KCNMA1: variants seen among roughly 807,000 people sequenced by gnomAD.
KCNMA1 encodes the protein Calcium-activated potassium channel subunit alpha-1.
Under a neutral mutation model 140.0 loss-of-function variants are expected in KCNMA1, and 29 were observed. The observed-to-expected ratio is 0.21, with a 90% confidence interval of 0.15 to 0.28. The LOEUF (loss-of-function observed/expected upper bound fraction) is 0.28. KCNMA1 is among the 10% of genes least tolerant of loss of function. The pLI is 1.00. For missense variants in KCNMA1, 880 were observed against 1,602.2 expected (o/e 0.55, Z 7.70); for synonymous variants, 612 against 611.9 (o/e 1.00, Z 0.00).
intron 3 of KCNMA1, among the ~76,000 whole-genome samples, chr10:77,220,547 A>G (rs1275359093): frequency 6.6e-6 from 1 of 152,218 alleles, no homozygotes; most frequent in African/African-American, 2.4e-5. Context: ...CAGATAAGTG[A>G]TAAGAAGAAA....
chr10:77,462,740 T>C (rs1007787035), intron 1 of KCNMA1, among the ~76,000 whole-genome samples: 1 of 152,192 alleles, frequency 6.6e-6, no homozygotes, highest in Admixed American at 6.5e-5. Context: ...ACACAACTAG[T>C]GCTCACGTTT....
At chr10:77,099,949 A>C (rs1564532118) in intron 9 of KCNMA1, among the ~76,000 whole-genome samples, 1 of 152,210 alleles carries the variant, frequency 6.6e-6, no homozygotes, top group Non-Finnish European at 1.5e-5. Context: ...GGTATGTTCA[A>C]CAACGTGAAT....
intron 1 of KCNMA1, among the ~76,000 whole-genome samples, chr10:77,567,628 A>G (rs1302044651): frequency 6.6e-6 from 1 of 152,184 alleles, no homozygotes; most frequent in East Asian, 1.9e-4. Context: ...ATCTAATTGA[A>G]CCTTGGGAGC....
intron 2 of KCNMA1, among the ~76,000 whole-genome samples, chr10:77,336,589 G>T (rs982268117): frequency 6.6e-6 from 1 of 152,162 alleles, no homozygotes; most frequent in Non-Finnish European, 1.5e-5. Flanking sequence ...AAAAGTCGAT[G>T]CACAAGATTA....
intron 7 of KCNMA1, 35 bp from the exon 8 acceptor site, chr10:77,110,378 A>C (rs201169834): frequency 1.8e-5 from 29 of 1,580,018 alleles, no homozygotes; most frequent in Non-Finnish European, 2.4e-5. Context: ...AAAAAGAAAA[A>C]CATGCTATTG....
intron 16 of KCNMA1, among the ~76,000 whole-genome samples, chr10:77,024,640 T>TCC (rs1362629087): frequency 2.0e-5 from 3 of 151,790 alleles, no homozygotes; most frequent in African/African-American, 7.3e-5. Context: ...CAGGGTGAAA[T>TCC]CACATGGTGA....
intron 2 of KCNMA1, among the ~76,000 whole-genome samples, chr10:77,273,095 C>A (rs986717772): frequency 2.6e-5 from 4 of 152,200 alleles, no homozygotes; most frequent in African/African-American, 9.6e-5. Flanking sequence ...AAACCTATAG[C>A]ACTTACTTTT....
Position 77,637,551 on chromosome 10 carries a change from G to C in KCNMA1, c.92C>G (p.Ala31Gly), listed in dbSNP as rs201551432. 7 of 1,543,346 alleles carry C rather than the reference G, an allele frequency of 4.5e-6. No individual in the cohort carries two copies. The highest frequency in any genetic ancestry group is 2.7e-5 in the African/African-American group (2 of 72,972). The change falls in exon 1 of 28, where the codon GCG becomes GGG. Residue 31 changes from alanine (A) to glycine (G), a missense_variant. By Grantham distance (60) the Ala-to-Gly change is moderately conservative. This residue lies in a region of KCNMA1 where 94 missense variants were observed against 92.4 expected (regional missense o/e 1.02). Transcript: ENST00000286628. Reference protein sequence around the residue: ...SSLRMSSNIHANHLSLDASSS... With the variant: ...SSLRMSSNIHGNHLSLDASSS... ...GGACGCGTCTAGGCTGAGATGGTTC[G>C]CGTGGATATTGCTACTCATTCTAAG... is the stretch of plus-strand genomic sequence containing the variant.
intron 15 of KCNMA1, among the ~76,000 whole-genome samples, chr10:77,033,592 A>T (rs985644619): frequency 2.6e-5 from 4 of 152,208 alleles, no homozygotes; most frequent in African/African-American, 9.6e-5. Flanking sequence ...CCTTGCTATT[A>T]TTATTAATGA....
chr10:77,602,905 T>C (rs922000915), intron 1 of KCNMA1, among the ~76,000 whole-genome samples: 2 of 152,192 alleles, frequency 1.3e-5, no homozygotes, highest in Non-Finnish European at 2.9e-5. Context: ...GAGTGCTTAT[T>C]TGACAAGCAC....
At chr10:77,224,903 A>T (rs2050821386) in intron 3 of KCNMA1, among the ~76,000 whole-genome samples, 1 of 152,136 alleles carries the variant, frequency 6.6e-6, no homozygotes, top group South Asian at 2.1e-4. Context: ...AGCACTCAAC[A>T]TACTTCCCAT....
intron 20 of KCNMA1, among the ~76,000 whole-genome samples, chr10:76,967,565 C>T (rs1340218985): frequency 1.3e-5 from 2 of 152,294 alleles, no homozygotes; most frequent in African/African-American, 2.4e-5. Flanking sequence ...AGGAGGGGTC[C>T]ATCTTTGCTC....
intron 2 of KCNMA1, among the ~76,000 whole-genome samples, chr10:77,299,207 TTAC>T (rs2075982385): frequency 6.6e-6 from 1 of 152,204 alleles, no homozygotes; most frequent in South Asian, 2.1e-4. Context: ...CCTCCCTGAC[TTAC>T]TACTACCACC....
intron 2 of KCNMA1, among the ~76,000 whole-genome samples, chr10:77,319,214 C>T (rs2081663270): frequency 6.6e-6 from 1 of 152,122 alleles, no homozygotes; most frequent in Non-Finnish European, 1.5e-5. Context: ...TAACTTTCAT[C>T]CTGAAGGTTA....
At chr10:77,472,227 T>TAC (rs2098177580) in intron 1 of KCNMA1, among the ~76,000 whole-genome samples, 1 of 150,840 alleles carries the variant, frequency 6.6e-6, no homozygotes, top group Admixed American at 6.6e-5. Flanking sequence ...ACACACACTA[T>TAC]ACATACATCA....
At chr10:77,350,824 T>C (rs1257875998) in intron 2 of KCNMA1, 4 of 152,150 alleles carry the variant, frequency 2.6e-5, no homozygotes, top group Admixed American at 6.5e-5. Context: ...GCCTGGTGAT[T>C]ATGAGGACTT....
intron 1 of KCNMA1, among the ~76,000 whole-genome samples, chr10:77,592,589 G>A (rs149421699): frequency 4.1e-4 from 63 of 152,318 alleles, no homozygotes; most frequent in African/African-American, 1.4e-3. Context: ...GAGGTGAGGT[G>A]CAGTTGGCAT....
At chr10:76,889,076 A>AC (rs2038738214) in intron 27 of KCNMA1, among the ~76,000 whole-genome samples, 1 of 144,792 alleles carries the variant, frequency 6.9e-6, no homozygotes, top group Middle Eastern at 3.5e-3. Context: ...AAACAAACAA[A>AC]AAACAAAAAA....
chr10:76,993,999 C>T (rs965790443), intron 19 of KCNMA1, among the ~76,000 whole-genome samples: 4 of 152,214 alleles, frequency 2.6e-5, no homozygotes, highest in Non-Finnish European at 2.9e-5. Context: ...GATTAAGTGA[C>T]TTATCCATCA....
Sources: gnomAD v4.1 joint callset for allele counts (sites outside exome capture counted in the v4.1 genomes callset) on GRCh38, gnomAD v4.1.1 for gene constraint, gnomAD v4.1.1 regional missense constraint, MANE v1.5 for transcripts, NCBI Gene and HGNC (gene_info 2026-07-23, HGNC 2026-07-21) for gene names.